Variants in ATP8A2 observed in about 807,000 individuals in gnomAD.
The protein encoded by ATP8A2 is ATPase phospholipid transporting 8A2.
Under a neutral mutation model 165.6 loss-of-function variants are expected in ATP8A2, and 100 were observed. The observed-to-expected ratio is 0.60, with a 90% CI of 0.51 to 0.71. ATP8A2 has a LOEUF of 0.71. ATP8A2 is among the 30% of genes least tolerant of loss of function. The pLI is 0.00. For synonymous variants in ATP8A2, 543 were observed against 548.8 expected, an observed-to-expected ratio of 0.99 and a Z score of 0.15; for missense variants, 1,227 against 1,479.5, an observed-to-expected ratio of 0.83 and a Z score of 2.80.
chr13:25,741,085 T>C (rs995121788), intron 25 of ATP8A2, among the ~76,000 whole-genome samples: 1 of 152,244 alleles, frequency 6.6e-6, no homozygotes, highest in Non-Finnish European at 1.5e-5. Context: ...AGAAAATAAG[T>C]ATTTTTCAGA....
At chr13:25,493,745 GT>G (rs1483538290) in intron 2 of ATP8A2, among the ~76,000 whole-genome samples, 1 of 152,178 alleles carries the variant, frequency 6.6e-6, no homozygotes, top group Non-Finnish European at 1.5e-5. Flanking sequence ...AGATGGTTCA[GT>G]GCATTGAATA....
At chr13:25,409,851 G>T (rs1186996252) in intron 1 of ATP8A2, among the ~76,000 whole-genome samples, 3 of 152,020 alleles carry the variant, frequency 2.0e-5, no homozygotes, top group Middle Eastern at 3.4e-3. Flanking sequence ...GAGAAATGTA[G>T]CTATCAGAAA....
intron 24 of ATP8A2, among the ~76,000 whole-genome samples, chr13:25,624,233 T>C (rs2041047548): frequency 6.6e-6 from 1 of 152,174 alleles, no homozygotes; most frequent in Non-Finnish European, 1.5e-5. Flanking sequence ...CTTGCTGGTC[T>C]TACAAGCTAC....
chr13:25,937,715 G>A (rs1954946033), intron 33 of ATP8A2, among the ~76,000 whole-genome samples: 2 of 151,608 alleles, frequency 1.3e-5, no homozygotes, highest in Non-Finnish European at 2.9e-5. Context: ...CAGGCATGGT[G>A]GCAGGCGCCT....
In ATP8A2 at chr13:25,468,977, G is replaced by C. The variant is rs201409188; in HGVS notation, c.77G>C (p.Gly26Ala). The C allele has an allele frequency of 5.0e-6, 8 of 1,613,838 alleles. No individual in the cohort carries two copies. Among genetic ancestry groups the C allele is most frequent in the Middle Eastern group, 1.6e-4 (1 of 6,084 alleles). Residue 26 changes from glycine to alanine, a missense_variant and splice_region_variant, in exon 2 of 37, where the codon GGA becomes GCA. Gly to Ala is a moderately conservative substitution (Grantham distance 60). Around this residue, in one of 5 missense-constraint regions of ATP8A2, gnomAD observed 356 missense variants for 394.9 expected, o/e 0.90. Coordinates refer to ENST00000381655, the MANE Select transcript of ATP8A2 (RefSeq NM_016529.6). ...PRRSRIRSSV[G>A]PVRSSLGYKK... ...CTCTGCCTGCGCCCTGTCTCTGCAG[G>C]ACCTGTTCGTTCTTCTTTGGGCTAT...
chr13:25,564,002 A>G lies in ATP8A2; in HGVS notation c.1444A>G (p.Arg482Gly). The G allele has an allele frequency of 6.2e-7, 1 of 1,613,452 alleles. No homozygotes were observed. The highest frequency in any genetic ancestry group is 8.5e-7 in the Non-Finnish European group (1 of 1,179,426). ...CSDSCDFDDP[R>G]LLKNIEDRHP... ...TGATTCCTGTGACTTTGATGACCCC[A>G]GGCTGTTGAAGAACATTGAGGATCG... is the stretch of plus-strand genomic sequence containing the variant. The change falls in exon 16 of 37, where the codon AGG becomes GGG. Residue 482 changes from arginine to glycine, a missense_variant. By Grantham distance (125) the Arg-to-Gly change is moderately radical (BLOSUM62 -2). Transcript: ENST00000381655.
chr13:25,706,239 T>C (rs983007404), intron 25 of ATP8A2, among the ~76,000 whole-genome samples: 2 of 152,156 alleles, frequency 1.3e-5, no homozygotes, highest in Non-Finnish European at 2.9e-5. Context: ...AGAGGTTATT[T>C]TGTGAAAGTA....
At chr13:25,694,774 G>A (rs929489276) in intron 24 of ATP8A2, among the ~76,000 whole-genome samples, 2 of 152,144 alleles carry the variant, frequency 1.3e-5, no homozygotes, top group African/African-American at 2.4e-5. Context: ...GGGTTCAAGC[G>A]ATCTTTGCAC....
rs566425255 is a variant in ATP8A2, at chr13:25,377,399, A to G, written c.76+5111A>G. ...CATTATCAAGGGCAAACACAGAAAC[A>G]GGACCTACTCCAGGACAGGAGAGAG... On this transcript the variant is annotated intron_variant, in intron 1 of 36. Transcript: ENST00000381655. Among the ~76,000 whole-genome samples, 71 of 152,364 alleles carry G rather than the reference A, an allele frequency of 4.7e-4. No individual in the cohort carries two copies. In the South Asian group the frequency reaches 0.014, roughly 31 times the overall value.
intron 24 of ATP8A2, among the ~76,000 whole-genome samples, chr13:25,631,624 G>T (rs2041242372): frequency 6.6e-6 from 1 of 152,022 alleles, no homozygotes; most frequent in South Asian, 2.1e-4. Flanking sequence ...AGCTGGAGGG[G>T]ACAAATACTA....
intron 24 of ATP8A2, among the ~76,000 whole-genome samples, chr13:25,600,487 G>T (rs1320359541): frequency 6.6e-6 from 1 of 152,188 alleles, no homozygotes; most frequent in Non-Finnish European, 1.5e-5. Context: ...GAAATTAGGT[G>T]CTTGTGAAAT....
intron 34 of ATP8A2, among the ~76,000 whole-genome samples, chr13:25,967,562 C>G (rs1157777731): frequency 6.6e-6 from 1 of 152,142 alleles, no homozygotes; most frequent in African/African-American, 2.4e-5. Flanking sequence ...CTCATTCTGT[C>G]TTTGGGTCCT....
intron 27 of ATP8A2, among the ~76,000 whole-genome samples, chr13:25,789,804 C>T (rs2045121209): frequency 6.6e-6 from 1 of 152,192 alleles, no homozygotes; most frequent in African/African-American, 2.4e-5. Context: ...AAGCTGGATG[C>T]ATCAGTGTTA....
chr13:25,861,590 CT>C (rs1286990406), intron 32 of ATP8A2, among the ~76,000 whole-genome samples: 3 of 152,168 alleles, frequency 2.0e-5, no homozygotes, highest in Admixed American at 2.0e-4. Flanking sequence ...AGGGAATCCC[CT>C]AAGAGACAGT....
At chr13:25,689,308 A>T (rs2137853010) in intron 24 of ATP8A2, among the ~76,000 whole-genome samples, 1 of 152,380 alleles carries the variant, frequency 6.6e-6, no homozygotes, top group African/African-American at 2.4e-5. Flanking sequence ...CAGAACATAT[A>T]TTAACATTTG....
intron 33 of ATP8A2, among the ~76,000 whole-genome samples, chr13:25,898,898 G>T (rs918533178): frequency 6.6e-6 from 1 of 152,192 alleles, no homozygotes; most frequent in Non-Finnish European, 1.5e-5. Flanking sequence ...ATTAGGGTGG[G>T]AGTGACCCGA....
chr13:25,716,835 A>G (rs1432220230), intron 25 of ATP8A2, among the ~76,000 whole-genome samples: 2 of 152,200 alleles, frequency 1.3e-5, no homozygotes, highest in Admixed American at 1.3e-4. Flanking sequence ...AACAGGAAAG[A>G]GGAAAAAGAA....
In ATP8A2 at chr13:25,875,986, A is replaced by G. The variant is rs116776407; in HGVS notation, c.3183+13578A>G. On this transcript the variant is annotated intron_variant, in intron 33 of 36. Transcript: ENST00000381655. ...AAGTTTATGTACCCTAAACCAACAC[A>G]TGGTTGGGCAGCATTGTCATTATGA... 3.8e-3 allele frequency among the ~76,000 whole-genome samples: 574 copies of G among 152,336 alleles called. 5 individuals carry two copies. The highest frequency in any genetic ancestry group is 0.013 in the African/African-American group (551 of 41,574).
At chr13:25,810,507 T>C (rs1351457024) in intron 27 of ATP8A2, among the ~76,000 whole-genome samples, 1 of 151,258 alleles carries the variant, frequency 6.6e-6, no homozygotes, top group Non-Finnish European at 1.5e-5. Flanking sequence ...GCAGAGAACA[T>C]CTGTCTTTTT....
Sources: gnomAD v4.1 joint callset for allele counts (sites outside exome capture counted in the v4.1 genomes callset) on GRCh38, gnomAD v4.1.1 for gene constraint, gnomAD v4.1.1 regional missense constraint, MANE v1.5 for transcripts, NCBI Gene and HGNC (gene_info 2026-07-23, HGNC 2026-07-21) for gene names.